DCC: variants seen among roughly 807,000 people sequenced by gnomAD.
DCC encodes netrin receptor DCC.
In DCC, 58 loss-of-function variants were observed where a neutral mutation model predicts 172.5. That is an observed-to-expected ratio of 0.34 (90% CI 0.27 to 0.42). The LOEUF is 0.42. Ranked by LOEUF, DCC falls within the 10% of genes least tolerant of loss-of-function variation. The pLI, the probability that DCC is intolerant of heterozygous loss-of-function variation, is 1.00. For missense variants in DCC, 1,740 were observed against 1,791.0 expected, an observed-to-expected ratio of 0.97 and a Z score of 0.51; for synonymous variants, 709 against 644.5, an observed-to-expected ratio of 1.10 and a Z score of -1.52.
intron 1 of DCC, among the ~76,000 whole-genome samples, chr18:52,658,954 C>T (rs865960602): frequency 6.6e-6 from 1 of 152,122 alleles, no homozygotes; most frequent in South Asian, 2.1e-4. Flanking sequence ...ATTACTTGCC[C>T]TTCAATAGTA....
chr18:53,041,528 T>C (rs1225709408), intron 5 of DCC, among the ~76,000 whole-genome samples: 1 of 152,086 alleles, frequency 6.6e-6, no homozygotes, highest in Non-Finnish European at 1.5e-5. Flanking sequence ...AAATTAAAAG[T>C]AGTTTTTTTC....
intron 3 of DCC, among the ~76,000 whole-genome samples, chr18:52,915,326 C>A (rs1021657808): frequency 6.6e-6 from 1 of 152,108 alleles, no homozygotes; most frequent in Non-Finnish European, 1.5e-5. Flanking sequence ...TGTTTAGGGT[C>A]CCAGGTTGGA....
At chr18:52,845,258 C>T (rs1277122114) in intron 2 of DCC, among the ~76,000 whole-genome samples, 3 of 152,204 alleles carry the variant, frequency 2.0e-5, no homozygotes, top group Non-Finnish European at 4.4e-5. Context: ...GCCCAATCAG[C>T]TTACTTCACT....
intron 1 of DCC, among the ~76,000 whole-genome samples, chr18:52,712,977 A>G (rs1270837224): frequency 2.6e-5 from 4 of 152,310 alleles, no homozygotes; most frequent in Middle Eastern, 3.4e-3. Context: ...TTGTCCTCTA[A>G]GGGAATCAGA....
At chr18:53,479,074 A>C (rs1260007683) in intron 25 of DCC, among the ~76,000 whole-genome samples, 2 of 152,210 alleles carry the variant, frequency 1.3e-5, no homozygotes, top group East Asian at 3.9e-4. Flanking sequence ...AGGAGTAAGG[A>C]GTGCATAGAG....
At chr18:52,696,865 A>G (rs2036019928) in intron 1 of DCC, among the ~76,000 whole-genome samples, 1 of 148,678 alleles carries the variant, frequency 6.7e-6, no homozygotes, top group Non-Finnish European at 1.5e-5. Flanking sequence ...TTGTCAACAC[A>G]TGGGCTCCTT....
intron 5 of DCC, among the ~76,000 whole-genome samples, chr18:52,977,912 A>C (rs1400504919): frequency 7.2e-6 from 1 of 139,166 alleles, no homozygotes; most frequent in Non-Finnish European, 1.5e-5. Context: ...AAAAAAGAAA[A>C]AGAAAAAAAA....
chr18:52,787,143 T>C (rs774745811), intron 2 of DCC, among the ~76,000 whole-genome samples: 1 of 152,146 alleles, frequency 6.6e-6, no homozygotes, highest in Non-Finnish European at 1.5e-5. Context: ...TCAGAAATAC[T>C]TCAAGCAAAA....
chr18:52,980,391 T>C (rs2041190719), intron 5 of DCC, among the ~76,000 whole-genome samples: 1 of 152,212 alleles, frequency 6.6e-6, no homozygotes, highest in Non-Finnish European at 1.5e-5. Context: ...AAAGTCCTGT[T>C]CACCTCTAGA....
intron 22 of DCC, 49 bp downstream of exon 22, chr18:53,435,258 G>A (rs1236722666): frequency 7.8e-7 from 1 of 1,276,064 alleles, no homozygotes; most frequent in Non-Finnish European, 1.1e-6. Flanking sequence ...TAATTAAATG[G>A]TTAATTCAAG....
chr18:52,483,039 G>A (rs2030033404), intron 1 of DCC, among the ~76,000 whole-genome samples: 1 of 152,018 alleles, frequency 6.6e-6, no homozygotes. Context: ...ATCCTCCTTT[G>A]CCTCTTCCAG....
At chr18:52,715,493 C>T (rs2036364881) in intron 1 of DCC, among the ~76,000 whole-genome samples, 1 of 151,988 alleles carries the variant, frequency 6.6e-6, no homozygotes. Context: ...TTAGTAGAGA[C>T]AGGGTTTTAC....
chr18:53,435,201 C>T lies in DCC; in HGVS notation c.3221C>T (p.Thr1074Ile), dbSNP rs775792242. ...PVDTNLIDRS[T>I]LNEPPIGQMH... ...GATACTAATTTGATTGATAGAAGCA[C>T]CCTAAATGGTAAGTATATAAATTAG... Residue 1074 changes from threonine to isoleucine, a missense_variant, in exon 22 of 29, where the codon ACC becomes ATC. Around this residue, in one of 2 missense-constraint regions of DCC, gnomAD observed 1,732 missense variants for 1,767.4 expected, o/e 0.98. Coordinates refer to ENST00000442544, the MANE Select transcript of DCC (RefSeq NM_005215.4). 11 of 1,585,808 alleles carry T rather than the reference C, an allele frequency of 6.9e-6. No homozygotes were observed. Among genetic ancestry groups the T allele is most frequent in the Admixed American group, 5.0e-5 (3 of 59,960 alleles).
chr18:52,523,381 C>T (rs1467702400), intron 1 of DCC, among the ~76,000 whole-genome samples: 1 of 152,130 alleles, frequency 6.6e-6, no homozygotes, highest in African/African-American at 2.4e-5. Context: ...AGTAGATGAC[C>T]TCTCAGTCCC....
At chr18:52,864,462 G>T (rs1490838339) in intron 2 of DCC, among the ~76,000 whole-genome samples, 1 of 152,126 alleles carries the variant, frequency 6.6e-6, no homozygotes, top group African/African-American at 2.4e-5. Flanking sequence ...ATATTTTGGA[G>T]ACCAATCTAG....
At chr18:52,516,332 T>C (rs2031640109) in intron 1 of DCC, among the ~76,000 whole-genome samples, 1 of 152,226 alleles carries the variant, frequency 6.6e-6, no homozygotes. Context: ...TTAAATAGGC[T>C]ATGTGTTGTT....
chr18:52,649,752 C>A (rs946886488), intron 1 of DCC, among the ~76,000 whole-genome samples: 2 of 152,038 alleles, frequency 1.3e-5, no homozygotes, highest in African/African-American at 4.8e-5. Flanking sequence ...TTTTTTATGA[C>A]CAAATTGTAT....
At chr18:53,191,155 T>A (rs1427413981) in intron 9 of DCC, among the ~76,000 whole-genome samples, 1 of 152,164 alleles carries the variant, frequency 6.6e-6, no homozygotes, top group Non-Finnish European at 1.5e-5. Context: ...AAAATAATGA[T>A]TACTACTTCT....
rs1323538248 is a variant in DCC, at chr18:53,421,675, A to C, written c.3163+5519A>C. On this transcript the variant is annotated intron_variant, in intron 21 of 28. Transcript: ENST00000442544. ...CTTTCAGTTCTAGCACAGTCCTGCC[A>C]CTGGGACCTCTTGTGTAATGTTGGG... 3.9e-5 allele frequency among the ~76,000 whole-genome samples: 6 copies of C among 152,324 alleles called. No homozygotes were observed. The East Asian group carries it at 9.6e-4, about 24-fold the overall frequency.
Sources: allele counts gnomAD v4.1 joint callset (sites outside exome capture counted in the v4.1 genomes callset), GRCh38; gene constraint gnomAD v4.1.1; regional missense constraint gnomAD v4.1.1; transcripts MANE v1.5; gene names NCBI Gene and HGNC (gene_info 2026-07-23, HGNC 2026-07-21).